The following RAB3IP variants were observed in gnomAD, a reference collection of about 807,000 sequenced individuals.
RAB3IP encodes the protein RAB3A interacting protein.
Under a neutral mutation model 59.1 loss-of-function variants are expected in RAB3IP, and 36 were observed. The observed-to-expected ratio is 0.61, with a 90% CI of 0.47 to 0.80. RAB3IP has a LOEUF of 0.80. Among genes scored for constraint, RAB3IP ranks in the 30% least tolerant of loss-of-function variants. The pLI is 0.00. For synonymous variants in RAB3IP, 207 were observed against 191.2 expected (o/e 1.08, Z -0.68); for missense variants, 511 against 536.0 (o/e 0.95, Z 0.46).
Position 69,743,481 on chromosome 12 carries a change from T to C in RAB3IP, c.-26+4450T>C, listed in dbSNP as rs1214760480. Among the ~76,000 whole-genome samples, 4 of 152,234 alleles carry C rather than the reference T, an allele frequency of 2.6e-5. No individual in the cohort carries two copies. In the East Asian group the frequency reaches 7.7e-4, roughly 29 times the overall value. Reference sequence around the variant, plus strand: ...CTATTTCCCCCATTACATTTTTTTCTTTCTTAGATCTTTATAAAATCATAC... The same window carrying C: ...CTATTTCCCCCATTACATTTTTTTCCTTCTTAGATCTTTATAAAATCATAC... On this transcript the variant is annotated intron_variant, in intron 1 of 10. Transcript: ENST00000247833.
chr12:69,755,245 G>T (rs1478094870), intron 1 of RAB3IP, 139 bp from the exon 2 acceptor site: 1 of 782,034 alleles, frequency 1.3e-6, no homozygotes, highest in Non-Finnish European at 2.0e-6. Flanking sequence ...TGTGATTGTG[G>T]TTTTTTAAAA....
intron 3 of RAB3IP, among the ~76,000 whole-genome samples, chr12:69,766,075 A>G (rs1470004772): frequency 6.6e-6 from 1 of 152,020 alleles, no homozygotes; most frequent in Admixed American, 6.5e-5. Context: ...GCCTTTAAGT[A>G]TTTTTGTTTG....
In RAB3IP at chr12:69,822,723, A is replaced by G. The variant is rs1163853928; in HGVS notation, c.*7277A>G. ...AATGTTTGAGGTGATGGATACCCCA[A>G]TTACCCTGATTTGATCATTATACGT... On this transcript the variant is annotated 3_prime_UTR_variant, in exon 11 of 11. Coordinates refer to ENST00000247833, the MANE Select transcript of RAB3IP (RefSeq NM_022456.5). The G allele has an allele frequency of 2.6e-5, 4 of 152,190 alleles. No homozygotes were observed. Among genetic ancestry groups the G allele is most frequent in the Non-Finnish European group, 4.4e-5 (3 of 68,036 alleles). The allele number at this position is 152,190 out of a possible 1,614,324, so 9.4% of individuals were successfully genotyped here.
chr12:69,789,336 A>G (rs1054897400), intron 4 of RAB3IP, among the ~76,000 whole-genome samples: 2 of 152,144 alleles, frequency 1.3e-5, no homozygotes, highest in Non-Finnish European at 2.9e-5. Context: ...GAAATAAAAA[A>G]GATCATAAGT....
chr12:69,767,930 G>A (rs1311578553), intron 3 of RAB3IP, among the ~76,000 whole-genome samples: 2 of 151,918 alleles, frequency 1.3e-5, no homozygotes, highest in East Asian at 1.9e-4. Flanking sequence ...CTGCACAAGA[G>A]GGGTGAGGTT....
At chr12:69,750,112 A>G (rs539754241) in intron 1 of RAB3IP, among the ~76,000 whole-genome samples, 1 of 152,350 alleles carries the variant, frequency 6.6e-6, no homozygotes, top group African/African-American at 2.4e-5. Flanking sequence ...AGGGTCTAAT[A>G]ACGGTAGGCT....
At chr12:69,751,726 A>G (rs1347683675) in intron 1 of RAB3IP, among the ~76,000 whole-genome samples, 1 of 152,122 alleles carries the variant, frequency 6.6e-6, no homozygotes, top group African/African-American at 2.4e-5. Context: ...TTTAGAATAC[A>G]TTCCATTAGG....
chr12:69,786,034 T>TC (rs566251237), intron 4 of RAB3IP, among the ~76,000 whole-genome samples: 6 of 152,212 alleles, frequency 3.9e-5, no homozygotes, highest in African/African-American at 1.2e-4. Flanking sequence ...TATGTTTTTT[T>TC]CCTAAAGATT....
In RAB3IP at chr12:69,799,317, G is replaced by T. The variant is rs187440256; in HGVS notation, c.889-892G>T. On this transcript the variant is annotated intron_variant, in intron 6 of 10. Transcript: ENST00000247833. ...TGCCTCTGGAGAAGAGCAGCTTAGA[G>T]CTGTAGGATGGGGGAGACTGCTCTA... Among the ~76,000 whole-genome samples, 378 of 152,326 alleles carry T rather than the reference G, an allele frequency of 2.5e-3. 2 individuals are homozygous for T. Among genetic ancestry groups the T allele is most frequent in the Admixed American group, 4.1e-3 (62 of 15,292 alleles).
intron 1 of RAB3IP, chr12:69,739,848 T>C (rs777474667): frequency 1.2e-5 from 19 of 1,613,898 alleles, no homozygotes; most frequent in South Asian, 3.3e-5. Flanking sequence ...CCGGTTGTTA[T>C]GGGATTAAAA....
intron 5 of RAB3IP, 48 bp downstream of exon 5, chr12:69,794,562 G>A (rs1877149972): frequency 3.5e-6 from 5 of 1,413,750 alleles, no homozygotes; most frequent in Non-Finnish European, 4.9e-6. Context: ...TGTGATAACT[G>A]TTTTAAAGAT....
At chr12:69,759,592 GGCGGCGGCCGGGCGGA>G (rs1389820885) in intron 3 of RAB3IP, among the ~76,000 whole-genome samples, 1 of 151,278 alleles carries the variant, frequency 6.6e-6, no homozygotes, top group Non-Finnish European at 1.5e-5. Context: ...TCCCGGACGG[GGCGGCGGCCGGGCGGA>G]GGCGCCCCCC....
chr12:69,810,596 G>T (rs1352236375), intron 8 of RAB3IP, among the ~76,000 whole-genome samples: 1 of 151,744 alleles, frequency 6.6e-6, no homozygotes, highest in Admixed American at 6.6e-5. Flanking sequence ...ACAACTGAAG[G>T]CCTAGAAACA....
chr12:69,797,925 G>T (rs1248378076), intron 6 of RAB3IP, among the ~76,000 whole-genome samples: 10 of 152,176 alleles, frequency 6.6e-5, no homozygotes, highest in Non-Finnish European at 1.0e-4. Context: ...GTCTATCATT[G>T]TTGGACATTT....
At chr12:69,744,152 C>T (rs1014269252) in intron 1 of RAB3IP, among the ~76,000 whole-genome samples, 4 of 152,014 alleles carry the variant, frequency 2.6e-5, no homozygotes, top group African/African-American at 9.7e-5. Flanking sequence ...CACTCCCCCA[C>T]AGGCCCTGGT....
At chr12:69,799,512 A>G (rs752333536) in intron 6 of RAB3IP, among the ~76,000 whole-genome samples, 28 of 152,172 alleles carry the variant, frequency 1.8e-4, no homozygotes, top group Non-Finnish European at 3.8e-4. Context: ...CCAGCAGTGG[A>G]TTATTATTGA....
In RAB3IP at chr12:69,742,950, A is replaced by G. The variant is rs924149854; in HGVS notation, c.-26+3919A>G. Among the ~76,000 whole-genome samples, 55 of 152,256 alleles carry G rather than the reference A, an allele frequency of 3.6e-4. 1 individual carries two copies. The highest frequency in any genetic ancestry group is 1.3e-3 in the African/African-American group (53 of 41,472). ...TAAACTGATATTACTTAGAGGAAAA[A>G]GAATGAAAATTATTCAAATAGTTCA... On this transcript the variant is annotated intron_variant, in intron 1 of 10. Transcript: ENST00000247833.
At chr12:69,798,616 T>C (rs1877902519) in intron 6 of RAB3IP, among the ~76,000 whole-genome samples, 1 of 152,170 alleles carries the variant, frequency 6.6e-6, no homozygotes, top group Non-Finnish European at 1.5e-5. Context: ...ATGTCCTGAA[T>C]GGTATTGCAT....
At chr12:69,799,291 G>T (rs1878008337) in intron 6 of RAB3IP, among the ~76,000 whole-genome samples, 1 of 152,210 alleles carries the variant, frequency 6.6e-6, no homozygotes, top group South Asian at 2.1e-4. Flanking sequence ...GGTGTATCCA[G>T]TGCCTCTGGA....
Sources: allele counts gnomAD v4.1 joint callset (sites outside exome capture counted in the v4.1 genomes callset), GRCh38; gene constraint gnomAD v4.1.1; transcripts MANE v1.5; gene names NCBI Gene and HGNC (gene_info 2026-07-23, HGNC 2026-07-21).